Variants in ADD2 observed in about 807,000 individuals in gnomAD.
ADD2 encodes adducin 2.
ADD2 carries 23 observed loss-of-function variants against 83.0 expected under a neutral mutation model. That is an observed-to-expected ratio of 0.28 (90% CI 0.20 to 0.39). The LOEUF (loss-of-function observed/expected upper bound fraction) is 0.39, where lower values mean the gene tolerates loss of function less well. Ranked by LOEUF, ADD2 falls within the 10% of genes least tolerant of loss-of-function variation. The pLI is 1.00. For synonymous variants in ADD2, 375 were observed against 375.4 expected (o/e 1.00, Z 0.01); for missense variants, 758 against 944.9 (o/e 0.80, Z 2.59).
Position 70,766,869 on chromosome 2 carries a change from G to A in ADD2, c.-154+1017C>T, listed in dbSNP as rs1352803150. ...AGGGAAGAGTGGGTGTAAGGAAACA[G>A]ATGGGTATTAATCATGTGTCAGAGA... On this transcript the variant is annotated intron_variant, in intron 1 of 15. Transcript: ENST00000264436. Among the ~76,000 whole-genome samples, 4 of 152,356 alleles carry A rather than the reference G, an allele frequency of 2.6e-5. No homozygotes were observed. In the East Asian group the frequency reaches 7.7e-4, roughly 29 times the overall value.
intron 1 of ADD2, among the ~76,000 whole-genome samples, chr2:70,752,760 A>G (rs191442395): frequency 3.3e-5 from 5 of 152,360 alleles, no homozygotes. Flanking sequence ...TAGAAATGTC[A>G]GGGAAGCAGT....
intron 1 of ADD2, among the ~76,000 whole-genome samples, chr2:70,735,858 CTTTT>C (rs374727628): frequency 5.5e-5 from 4 of 72,510 alleles, no homozygotes; most frequent in African/African-American, 6.9e-5. Flanking sequence ...CCATGCCCGG[CTTTT>C]TTTTTTTTTT....
intron 1 of ADD2, among the ~76,000 whole-genome samples, 196 bp from the exon 2 acceptor site, chr2:70,713,380 A>G (rs1490255813): frequency 5.3e-5 from 8 of 152,220 alleles, no homozygotes; most frequent in African/African-American, 1.7e-4. Flanking sequence ...TGGGAGGCCA[A>G]GGTGGGGGGA....
In ADD2 at chr2:70,678,821, A is replaced by G. The variant is rs1670310051; in HGVS notation, c.1266T>C (p.His422=). Residue 422 remains histidine (H), a synonymous_variant, in exon 11 of 16, where the codon CAT becomes CAC. Coordinates refer to ENST00000264436, the MANE Select transcript of ADD2 (RefSeq NM_001617.4). ...TCTTCTCCTTCTGCTGCTTCTGGGC[A>G]TGCTGTCGCAGGGCGGGCACCGGGG... is the stretch of plus-strand genomic sequence containing the variant. ...DGAPVPALRQ[H]AQKQQKEKTR... 8 of 1,614,000 alleles carry G rather than the reference A, an allele frequency of 5.0e-6. No homozygotes were observed. The highest frequency in any genetic ancestry group is 1.1e-5 in the South Asian group (1 of 91,080).
rs1451254801 is a variant in ADD2 at position 70,680,875 on chromosome 2, C to T, written c.1126-1914G>A. 2.0e-5 allele frequency among the ~76,000 whole-genome samples: 3 copies of T among 152,268 alleles called. No individual in the cohort carries two copies. In the South Asian group the frequency reaches 6.2e-4, roughly 32 times the overall value. ...TCACCTTTGCAAAATTATGACAGTACTCTATCTTGCTTCTAGCCTCACAAG... is the reference window on the plus strand; with the variant it reads ...TCACCTTTGCAAAATTATGACAGTATTCTATCTTGCTTCTAGCCTCACAAG... On this transcript the variant is annotated intron_variant, in intron 10 of 15. Coordinates refer to ENST00000264436, the MANE Select transcript of ADD2 (RefSeq NM_001617.4).
intron 15 of ADD2, among the ~76,000 whole-genome samples, chr2:70,669,101 A>C (rs544423004): frequency 6.6e-6 from 1 of 152,350 alleles, no homozygotes; most frequent in South Asian, 2.1e-4. Context: ...AGCAACAGTC[A>C]AGAAGGCCCA....
At chr2:70,749,875 T>C (rs1171380618) in intron 1 of ADD2, among the ~76,000 whole-genome samples, 1 of 152,206 alleles carries the variant, frequency 6.6e-6, no homozygotes, top group Non-Finnish European at 1.5e-5. Context: ...CTGGACTTTC[T>C]GGGGAATGGA....
intron 10 of ADD2, among the ~76,000 whole-genome samples, chr2:70,682,088 T>C (rs782094021): frequency 2.0e-5 from 3 of 152,222 alleles, no homozygotes; most frequent in African/African-American, 4.8e-5. Context: ...TAGATTGATA[T>C]TATTAAGCCA....
intron 6 of ADD2, among the ~76,000 whole-genome samples, chr2:70,693,755 C>T (rs1671169501): frequency 6.6e-6 from 1 of 152,144 alleles, no homozygotes; most frequent in Non-Finnish European, 1.5e-5. Flanking sequence ...AGACATGTGG[C>T]CTGTTTAGAA....
In ADD2 at chr2:70,663,420, A is replaced by G. The variant is rs1675615978; in HGVS notation, c.*5T>C. 1.2e-6 allele frequency: 2 copies of G among 1,610,310 alleles called. No individual in the cohort carries two copies. Among genetic ancestry groups the G allele is most frequent in the Non-Finnish European group, 1.7e-6 (2 of 1,178,132 alleles). On this transcript the variant is annotated 3_prime_UTR_variant, in exon 16 of 16. Coordinates refer to ENST00000264436, the MANE Select transcript of ADD2 (RefSeq NM_001617.4). ...AGGCAGGAGGGAGCCCAAGGGTGTC[A>G]TGAATCAGGACTCCACTTTCTCCTT...
At position 70,690,927 on chromosome 2, in the gene ADD2, C is replaced by G. The variant is rs1477256013; in HGVS notation, c.708G>C (p.Val236=). Residue 236 remains valine (V), a splice_region_variant and synonymous_variant, in exon 8 of 16, where the codon GTG becomes GTC. Transcript: ENST00000264436. ...GCAGGAGGCCCCACTTCATGGCCGA[C>G]ACCTTAGAGAGACAATGGCATGGTT... ...IHLHTPATAA[V]SAMKWGLLPV... 6.2e-7 allele frequency: 1 copy of G among 1,610,818 alleles called. No individual in the cohort carries two copies. Among genetic ancestry groups the G allele is most frequent in the Non-Finnish European group, 8.5e-7 (1 of 1,178,430 alleles).
chr2:70,688,354 T>C (rs953145275), intron 8 of ADD2, among the ~76,000 whole-genome samples: 2 of 152,270 alleles, frequency 1.3e-5, no homozygotes, highest in Non-Finnish European at 2.9e-5. Flanking sequence ...CTAAATAGCT[T>C]GATCAATTTC....
At chr2:70,679,761 C>A (rs1270831722) in intron 10 of ADD2, among the ~76,000 whole-genome samples, 1 of 152,054 alleles carries the variant, frequency 6.6e-6, no homozygotes, top group East Asian at 1.9e-4. Flanking sequence ...TCACTAAAAA[C>A]CTTTCCAGTC....
chr2:70,763,322 G>C lies in ADD2; in HGVS notation c.-154+4564C>G, dbSNP rs575862714. Among the ~76,000 whole-genome samples the C allele has an allele frequency of 1.3e-4, 20 of 152,012 alleles. No homozygotes were observed. In the East Asian group the frequency reaches 3.9e-3, roughly 29 times the overall value. On this transcript the variant is annotated intron_variant, in intron 1 of 15. Coordinates refer to ENST00000264436, the MANE Select transcript of ADD2 (RefSeq NM_001617.4). The stretch of plus-strand genomic sequence containing the variant: ...AAGACAGGCAGTTTTTCATATTATT[G>C]CTTTAAAATTCTTTCAGGCTAAAAT...
chr2:70,665,831 T>TC lies in ADD2; in HGVS notation c.1871-2097dup, dbSNP rs1553366054. Among the ~76,000 whole-genome samples the TC allele has an allele frequency of 4.8e-5, 7 of 144,384 alleles. No homozygotes were observed. In the South Asian group the frequency reaches 9.0e-4, roughly 18 times the overall value. The allele number at this position is 144,384 out of a possible 152,430, so 94.7% of individuals were successfully genotyped here. On this transcript the variant is annotated intron_variant, in intron 15 of 15. Transcript: ENST00000264436. ...ACTTGTTTTTTTGTTTTTTTTTTTT[T>TC]CCCGAAACAGTCCTGCTCTGTCGCT...
chr2:70,736,689 T>C (rs1371910977), intron 1 of ADD2, among the ~76,000 whole-genome samples: 2 of 152,192 alleles, frequency 1.3e-5, no homozygotes, highest in African/African-American at 4.8e-5. Context: ...GTTCAGAAGA[T>C]CTTATTAATG....
At chr2:70,761,948 C>A (rs782577999) in intron 1 of ADD2, among the ~76,000 whole-genome samples, 1 of 151,580 alleles carries the variant, frequency 6.6e-6, no homozygotes, top group South Asian at 2.1e-4. Context: ...GGATTACAGG[C>A]GTGAGCCACC....
chr2:70,765,066 C>A (rs1675308787), intron 1 of ADD2, among the ~76,000 whole-genome samples: 1 of 151,916 alleles, frequency 6.6e-6, no homozygotes, highest in South Asian at 2.1e-4. Flanking sequence ...GAATCAAGAA[C>A]TGTTGGTTGG....
chr2:70,684,157 C>G (rs1553370137), intron 9 of ADD2, among the ~76,000 whole-genome samples: 1 of 152,106 alleles, frequency 6.6e-6, no homozygotes, highest in East Asian at 1.9e-4. Flanking sequence ...AGATTTGAAG[C>G]CAGAGGTTAT....
Sources: gnomAD v4.1 joint callset for allele counts (sites outside exome capture counted in the v4.1 genomes callset) on GRCh38, gnomAD v4.1.1 for gene constraint, MANE v1.5 for transcripts, NCBI Gene and HGNC (gene_info 2026-07-23, HGNC 2026-07-21) for gene names.